The following NEB variants were observed in gnomAD, a reference collection of about 807,000 sequenced individuals.
NEB encodes nemaline myopathy type 2.
In NEB, 512 loss-of-function variants were observed where a neutral mutation model predicts 952.2. The ratio of observed to expected loss-of-function variants is 0.54; its 90% CI spans 0.50 to 0.58. The LOEUF is 0.58. Among genes scored for constraint, NEB ranks in the 20% least tolerant of loss-of-function variants. NEB has a pLI of 0.00. For missense variants in NEB, 8,428 were observed against 9,231.1 expected (o/e 0.91, Z 3.56); for synonymous variants, 2,900 against 3,149.8 (o/e 0.92, Z 2.66).
intron 142 of NEB, among the ~76,000 whole-genome samples, chr2:151,534,906 C>G (rs1415595721): frequency 6.6e-6 from 1 of 152,056 alleles, no homozygotes. Context: ...AGACAACAAA[C>G]AAAAAAGTCA....
At chr2:151,627,998 G>C (rs1281837813) in intron 68 of NEB, among the ~76,000 whole-genome samples, 164 bp from the exon 69 acceptor site, 2 of 152,050 alleles carry the variant, frequency 1.3e-5, no homozygotes, top group Non-Finnish European at 2.9e-5. Flanking sequence ...AGACTCTACA[G>C]CACTAATCTA....
intron 3 of NEB, among the ~76,000 whole-genome samples, chr2:151,731,940 G>C (rs936713779): frequency 6.6e-6 from 1 of 152,180 alleles, no homozygotes; most frequent in Non-Finnish European, 1.5e-5. Context: ...GAGAGGCTGA[G>C]TGTTACATTG....
intron 131 of NEB, 106 bp downstream of exon 131, chr2:151,548,202 G>GGTAT: frequency 1.1e-6 from 1 of 917,330 alleles, no homozygotes; most frequent in East Asian, 2.5e-5. Flanking sequence ...ATTTTTTGCT[G>GGTAT]GTATGTAAGT....
At chr2:151,513,934 T>C (rs1480879924) in intron 159 of NEB, among the ~76,000 whole-genome samples, 2 of 152,218 alleles carry the variant, frequency 1.3e-5, no homozygotes, top group African/African-American at 4.8e-5. Context: ...TTGAATACTT[T>C]TAGCATTCTC....
intron 142 of NEB, 97 bp from the exon 143 acceptor site, chr2:151,533,643 G>T: frequency 1.3e-6 from 1 of 740,926 alleles, no homozygotes; most frequent in Non-Finnish European, 2.3e-6. Flanking sequence ...AAGAGATGTA[G>T]GCATACACAC....
chr2:151,525,006 C>T (rs1239747964), intron 151 of NEB, among the ~76,000 whole-genome samples, 157 bp downstream of exon 151: 1 of 152,076 alleles, frequency 6.6e-6, no homozygotes. Context: ...TAAGCACAAT[C>T]AGCTTTTTTC....
chr2:151,704,522 C>T (rs1285426979), intron 13 of NEB, among the ~76,000 whole-genome samples: 6 of 149,252 alleles, frequency 4.0e-5, no homozygotes, highest in South Asian at 2.1e-4. Context: ...ACTCCGTGGG[C>T]GTAGGACCCT....
Position 151,567,429 on chromosome 2 carries a change from G to C in NEB, c.17895C>G (p.Val5965=). The change falls in exon 114 of 182, where the codon GTC becomes GTG. Residue 5965 remains valine (V), a synonymous_variant. Coordinates refer to ENST00000397345, the MANE Select transcript of NEB (RefSeq NM_001164508.2). ...GCTTAGGATCATCTCTCATCGTCGG[G>C]ACACCAACATAATGACCTTTTTGCT... ...HVKQKGHYVG[V]PTMRDDPKLV... 3.7e-6 allele frequency: 6 copies of C among 1,613,444 alleles called. No homozygotes were observed. The highest frequency in any genetic ancestry group is 1.7e-4 in the Middle Eastern group (1 of 6,060).
At position 151,684,832 on chromosome 2, in the gene NEB, G is replaced by T. The variant is rs745481666; in HGVS notation, c.2781C>A (p.Pro927=). ...YKHILHSYSY[P]PDSINVDLAK... Reference sequence around the variant, plus strand: ...CAAGGTCCACATTGATGCTATCAGGGGGGTAGCTGTAACTGTGTAAGATGT... The same window carrying T: ...CAAGGTCCACATTGATGCTATCAGGTGGGTAGCTGTAACTGTGTAAGATGT... The change falls in exon 28 of 182, where the codon CCC becomes CCA. Residue 927 remains proline (P), a synonymous_variant. Coordinates refer to ENST00000397345, the MANE Select transcript of NEB (RefSeq NM_001164508.2). 7 of 1,613,216 alleles carry T rather than the reference G, an allele frequency of 4.3e-6. No homozygotes were observed. Among genetic ancestry groups the T allele is most frequent in the Non-Finnish European group, 5.9e-6 (7 of 1,179,586 alleles).
At chr2:151,624,755 T>A (rs1156882151) in intron 71 of NEB, among the ~76,000 whole-genome samples, 1 of 152,164 alleles carries the variant, frequency 6.6e-6, no homozygotes, top group African/African-American at 2.4e-5. Context: ...CACATAGACA[T>A]GTTTAAAAAA....
In NEB at chr2:151,485,612, A is replaced by G. The variant is rs1334442811; in HGVS notation, c.*148T>C. ...GTTCTGCAACTTATTTTAAAACCCA[A>G]AGGAGAAAGGATGGTACTACCATAA... is the stretch of plus-strand genomic sequence containing the variant. On this transcript the variant is annotated 3_prime_UTR_variant, in exon 182 of 182. Transcript: ENST00000397345. 3.0e-6 allele frequency: 2 copies of G among 675,786 alleles called. No individual in the cohort carries two copies. The highest frequency in any genetic ancestry group is 4.7e-6 in the Non-Finnish European group (2 of 428,886). 41.9% of individuals were successfully genotyped at this position (675,786 alleles called of 1,614,324 possible).
chr2:151,495,244 C>T (rs939803630), intron 173 of NEB: 3 of 152,112 alleles, frequency 2.0e-5, no homozygotes, highest in South Asian at 2.1e-4. Flanking sequence ...TTCTTGGAAA[C>T]GTGGGAGATT....
At chr2:151,723,662 T>C (rs1041096113) in intron 8 of NEB, among the ~76,000 whole-genome samples, 176 bp from the exon 9 acceptor site, 2 of 151,964 alleles carry the variant, frequency 1.3e-5, no homozygotes, top group Admixed American at 6.6e-5. Flanking sequence ...TTTTTACTGA[T>C]AGCATGCCCT....
intron 156 of NEB, among the ~76,000 whole-genome samples, chr2:151,517,213 A>G (rs2078254943): frequency 6.6e-6 from 1 of 152,190 alleles, no homozygotes; most frequent in Non-Finnish European, 1.5e-5. Context: ...TCCTCATAAC[A>G]TGTGGTTAAG....
At chr2:151,530,093 G>T (rs2089776888) in intron 145 of NEB, among the ~76,000 whole-genome samples, 1 of 152,014 alleles carries the variant, frequency 6.6e-6, no homozygotes, top group Admixed American at 6.6e-5. Flanking sequence ...CCCCTTAAGG[G>T]CAAAAACTGT....
chr2:151,664,112 T>C (rs2099179420), intron 44 of NEB, among the ~76,000 whole-genome samples: 3 of 152,104 alleles, frequency 2.0e-5, no homozygotes, highest in Admixed American at 1.3e-4. Flanking sequence ...TTAGAGAGAT[T>C]TAGAAAGCAG....
At chr2:151,517,973 G>C (rs1048566707) in intron 156 of NEB, among the ~76,000 whole-genome samples, 1 of 152,122 alleles carries the variant, frequency 6.6e-6, no homozygotes, top group African/African-American at 2.4e-5. Flanking sequence ...TTCTCTGTTT[G>C]AAATCTTCCT....
rs78916288 is a variant in NEB, at chr2:151,663,544, G to T, written c.5763+4C>A. 9.4e-6 allele frequency: 15 copies of T among 1,602,136 alleles called. No individual in the cohort carries two copies. In the South Asian group the frequency reaches 1.7e-4, roughly 18 times the overall value. ...AACGCTCTGCAAATGTGGTTTTCAC[G>T]TACATCACTTTGAATCTGCATCATA... On this transcript the variant is annotated splice_donor_region_variant and intron_variant, in intron 45 of 181. Coordinates refer to ENST00000397345, the MANE Select transcript of NEB (RefSeq NM_001164508.2).
intron 65 of NEB, among the ~76,000 whole-genome samples, chr2:151,631,789 T>C (rs2098672816): frequency 6.6e-6 from 1 of 152,232 alleles, no homozygotes; most frequent in South Asian, 2.1e-4. Context: ...ATGTCATTAA[T>C]ACAATATGAA....
Sources: allele counts gnomAD v4.1 joint callset (sites outside exome capture counted in the v4.1 genomes callset), GRCh38; gene constraint gnomAD v4.1.1; transcripts MANE v1.5; gene names NCBI Gene and HGNC (gene_info 2026-07-23, HGNC 2026-07-21).